MTRES1: variants seen among roughly 807,000 people sequenced by gnomAD.
MTRES1 encodes the protein uncharacterized protein C6orf203.
In MTRES1, 11 loss-of-function variants were observed where a neutral mutation model predicts 17.4. The observed-to-expected ratio is 0.63, with a 90% CI of 0.40 to 1.05. MTRES1 has a LOEUF of 1.05. Ranked by LOEUF, MTRES1 falls within the 50% of genes least tolerant of loss-of-function variation. The pLI, the probability that MTRES1 is intolerant of heterozygous loss-of-function variation, is 0.00. For missense variants in MTRES1, 268 were observed against 276.2 expected (o/e 0.97, Z 0.21); for synonymous variants, 94 against 99.6 (o/e 0.94, Z 0.34).
intron 1 of MTRES1, among the ~76,000 whole-genome samples, chr6:107,034,833 C>A (rs1665915): frequency 0.79 from 118,324 of 148,918 alleles, 48,404 homozygotes; most frequent in Non-Finnish European, 0.9. Flanking sequence ...ACTAAAAATA[C>A]AAAATTAGCC....
chr6:107,029,135 C>A (rs373380262), intron 1 of MTRES1, among the ~76,000 whole-genome samples: 9 of 151,628 alleles, frequency 5.9e-5, no homozygotes, highest in African/African-American at 2.2e-4. Flanking sequence ...ACGCCATTCT[C>A]CTGCCTCAGC....
At chr6:107,046,930 TTGTGTG>T (rs67662472) in intron 3 of MTRES1, among the ~76,000 whole-genome samples, 97 of 33,018 alleles carry the variant, frequency 2.9e-3, no homozygotes, top group African/African-American at 6.1e-3. Flanking sequence ...GGATTCATTC[TTGTGTG>T]TGTGTGTGTG....
At chr6:107,041,019 G>C (rs1156667255) in intron 2 of MTRES1, 1 of 151,564 alleles carries the variant, frequency 6.6e-6, no homozygotes, top group South Asian at 2.1e-4. Context: ...AAGGTCAGGA[G>C]ATCGAGACCA....
At chr6:107,050,510 G>A (rs1774555605) in intron 3 of MTRES1, among the ~76,000 whole-genome samples, 1 of 147,452 alleles carries the variant, frequency 6.8e-6, no homozygotes, top group African/African-American at 2.5e-5. Flanking sequence ...GAAGGACACT[G>A]GCTGATATTG....
chr6:107,039,918 C>A lies in MTRES1; in HGVS notation c.158C>A (p.Pro53Gln), dbSNP rs1774138472. 3 of 1,613,782 alleles carry A rather than the reference C, an allele frequency of 1.9e-6. No individual in the cohort carries two copies. The highest frequency in any genetic ancestry group is 2.5e-6 in the Non-Finnish European group (3 of 1,179,690). Residue 53 changes from proline (P) to glutamine (Q), a missense_variant, in exon 2 of 4, where the codon CCA becomes CAA. By Grantham distance (76) the Pro-to-Gln change is moderately conservative. Transcript: ENST00000311381. ...LYFSSTKLRA[P>Q]NYKTLFYNIF... The stretch of plus-strand genomic sequence containing the variant: ...TTTTCTAGTACCAAGTTACGTGCAC[C>A]AAATTATAAAACACTTTTTTATAAT...
At chr6:107,042,071 T>C (rs1387025149) in intron 2 of MTRES1, among the ~76,000 whole-genome samples, 1 of 151,492 alleles carries the variant, frequency 6.6e-6, no homozygotes. Context: ...CCGGGTGTGG[T>C]GGCTCACGCC....
intron 1 of MTRES1, among the ~76,000 whole-genome samples, chr6:107,036,753 G>A (rs1774022761): frequency 6.6e-6 from 1 of 151,520 alleles, no homozygotes; most frequent in South Asian, 2.1e-4. Context: ...TGAGGCAGGA[G>A]AATGGCGAAT....
In MTRES1 at chr6:107,040,055, CA is replaced by C. The variant is rs1389961356; in HGVS notation, c.300del (p.Val101Ter). The C allele has an allele frequency of 6.2e-7, 1 of 1,613,014 alleles. No individual in the cohort carries two copies. The highest frequency in any genetic ancestry group is 1.7e-5 in the Admixed American group (1 of 59,826). ...RSTKSTKKSL[Q>X]KVDEEDSDEE... ...TACAAAATCTACTAAAAAGTCTCTGCAAAAAGTAGATGAAGAGGACTCTGAT... is the reference window on the plus strand; with the variant it reads ...TACAAAATCTACTAAAAAGTCTCTGCAAAAGTAGATGAAGAGGACTCTGAT... On this transcript the variant is annotated frameshift_variant, in exon 2 of 4. Coordinates refer to ENST00000311381, the MANE Select transcript of MTRES1 (RefSeq NM_016487.5). LOFTEE classifies it high-confidence loss of function.
intron 1 of MTRES1, among the ~76,000 whole-genome samples, chr6:107,032,228 A>G (rs1773869712): frequency 1.3e-5 from 2 of 152,318 alleles, no homozygotes; most frequent in African/African-American, 2.4e-5. Flanking sequence ...CTCCTTTACT[A>G]TAGCCACCCC....
chr6:107,040,307 C>A, intron 2 of MTRES1, 77 bp downstream of exon 2: 1 of 1,348,664 alleles, frequency 7.4e-7, no homozygotes, highest in Non-Finnish European at 1.0e-6. Context: ...ATCACTTGGC[C>A]CATATTATGG....
rs185718914 is a variant in MTRES1, at chr6:107,042,532, G to T, written c.471-1728G>T. 3.0e-3 allele frequency among the ~76,000 whole-genome samples: 457 copies of T among 152,092 alleles called. 1 individual carries two copies. Among genetic ancestry groups the T allele is most frequent in the Non-Finnish European group, 4.7e-3 (322 of 67,974 alleles). ...TCCACATGTCAGTCACCTGGAATCA[G>T]ATATCAAAAAAAGGTGTACTGATTT... is the stretch of plus-strand genomic sequence containing the variant. On this transcript the variant is annotated intron_variant, in intron 2 of 3. Coordinates refer to ENST00000311381, the MANE Select transcript of MTRES1 (RefSeq NM_016487.5).
intron 1 of MTRES1, among the ~76,000 whole-genome samples, chr6:107,031,704 G>A (rs917241851): frequency 1.3e-5 from 2 of 151,978 alleles, no homozygotes; most frequent in Non-Finnish European, 2.9e-5. Flanking sequence ...GGGTTCAAGC[G>A]GTTCTCGTGC....
intron 1 of MTRES1, 127 bp from the exon 2 acceptor site, chr6:107,039,622 A>G (rs1293219663): frequency 1.5e-5 from 15 of 1,020,746 alleles, no homozygotes; most frequent in African/African-American, 1.1e-4. Flanking sequence ...GCCAGGCCCA[A>G]TAGGACTTTT....
chr6:107,033,875 C>T (rs1773923699), intron 1 of MTRES1, among the ~76,000 whole-genome samples: 1 of 152,098 alleles, frequency 6.6e-6, no homozygotes, highest in Non-Finnish European at 1.5e-5. Context: ...TCCCTTGTGA[C>T]CCTGAGTGCC....
rs1308048442 is a variant in MTRES1 at position 107,051,571 on chromosome 6, T to C, written c.*335T>C. On this transcript the variant is annotated 3_prime_UTR_variant, in exon 4 of 4. Transcript: ENST00000311381. ...CCTCAGGAGTCACTGTAAAATAAAC[T>C]GGCCTTGTTGTCTTAGTGTTTTTAT... is the stretch of plus-strand genomic sequence containing the variant. Among the ~76,000 whole-genome samples the C allele has an allele frequency of 6.6e-6, 1 of 152,226 alleles. No individual in the cohort carries two copies. The highest frequency in any genetic ancestry group is 1.9e-4 in the East Asian group (1 of 5,200).
intron 3 of MTRES1, among the ~76,000 whole-genome samples, chr6:107,050,840 G>A (rs1304789697): frequency 6.6e-6 from 1 of 152,148 alleles, no homozygotes. Flanking sequence ...GCCTCCCAAA[G>A]TGCTGGGATT....
intron 2 of MTRES1, among the ~76,000 whole-genome samples, chr6:107,044,021 C>G (rs1180315842): frequency 9.9e-5 from 15 of 152,090 alleles, no homozygotes; most frequent in Admixed American, 4.6e-4. Flanking sequence ...TACTGGGAGG[C>G]TGAGGCAGGA....
At position 107,039,960 on chromosome 6, in the gene MTRES1, TCC is replaced by T; in HGVS notation, c.202_203del (p.Pro68ArgfsTer19). On this transcript the variant is annotated frameshift_variant, in exon 2 of 4. Coordinates refer to ENST00000311381, the MANE Select transcript of MTRES1 (RefSeq NM_016487.5). LOFTEE classifies it high-confidence loss of function. ...TTTTATAATATTTTCTCACTGAGACTCCCAGGGCTTTTACTATCTCCAGAATG... is the reference window on the plus strand; with the variant it reads ...TTTTATAATATTTTCTCACTGAGACTCAGGGCTTTTACTATCTCCAGAATG... 1 of 1,613,954 alleles carries T rather than the reference TCC, an allele frequency of 6.2e-7. No homozygotes were observed. Among genetic ancestry groups the T allele is most frequent in the African/African-American group, 1.3e-5 (1 of 75,042 alleles).
Position 107,051,116 on chromosome 6 carries a change from G to C in MTRES1, c.603G>C (p.Glu201Asp). 1.9e-6 allele frequency: 3 copies of C among 1,613,978 alleles called. No homozygotes were observed. Among genetic ancestry groups the C allele is most frequent in the Non-Finnish European group, 2.5e-6 (3 of 1,179,818 alleles). Residue 201 changes from glutamate (E) to aspartate (D), a missense_variant, in exon 4 of 4, where the codon GAG becomes GAC. Glu to Asp is a conservative substitution (Grantham distance 45, BLOSUM62 2). Transcript: ENST00000311381. ...LIGEDKEAGTETVMRILLKKV... is the reference protein window; with the variant it reads ...LIGEDKEAGTDTVMRILLKKV... ...GAGAGGATAAAGAAGCAGGAACAGA[G>C]ACAGTTATGCGGATTCTCTTGAAAA...
Sources: gnomAD v4.1 joint callset for allele counts (sites outside exome capture counted in the v4.1 genomes callset) on GRCh38, gnomAD v4.1.1 for gene constraint, MANE v1.5 for transcripts, NCBI Gene and HGNC (gene_info 2026-07-23, HGNC 2026-07-21) for gene names.